Variants in IDH2 observed in about 807,000 individuals in gnomAD.
IDH2 encodes isocitrate dehydrogenase [NADP], mitochondrial.
A neutral mutation model predicts 50.5 loss-of-function variants in IDH2; 18 were observed. The ratio of observed to expected loss-of-function variants is 0.36; its 90% CI spans 0.25 to 0.53. IDH2 has a LOEUF of 0.53. IDH2 is among the 20% of genes least tolerant of loss of function. IDH2 has a pLI of 0.92. For synonymous variants in IDH2, 280 were observed against 239.8 expected (o/e 1.17, Z -1.55); for missense variants, 518 against 610.7 (o/e 0.85, Z 1.60).
chr15:90,088,041 G>T (rs1334906151), intron 5 of IDH2, among the ~76,000 whole-genome samples: 1 of 152,042 alleles, frequency 6.6e-6, no homozygotes, highest in Non-Finnish European at 1.5e-5. Flanking sequence ...CTTCTGATAG[G>T]GTAGCCAAGC....
In IDH2 at chr15:90,102,467, C is replaced by A. The variant is rs1596083465; in HGVS notation, c.-77G>T. 1.1e-5 allele frequency: 9 copies of A among 827,820 alleles called. No individual in the cohort carries two copies. The East Asian group carries it at 2.3e-4, about 21-fold the overall frequency. The allele number at this position is 827,820 out of a possible 1,614,324, so 51.3% of individuals were successfully genotyped here. On this transcript the variant is annotated 5_prime_UTR_variant, in exon 1 of 11. Transcript: ENST00000330062. The stretch of plus-strand genomic sequence containing the variant: ...CTCCTCCCGGCTGCCTGGCCGCGGG[C>A]TAACGCTGGGCCTGGCGGGCGCTGG...
intron 1 of IDH2, among the ~76,000 whole-genome samples, chr15:90,094,010 C>G (rs1006973767): frequency 6.6e-6 from 1 of 152,126 alleles, no homozygotes; most frequent in African/African-American, 2.4e-5. Context: ...AGCAGAGTCA[C>G]GAGGACTCTG....
Position 90,084,458 on chromosome 15 carries a change from A to T in IDH2, c.1272-105T>A. On this transcript the variant is annotated intron_variant, in intron 10 of 10. Coordinates refer to ENST00000330062, the MANE Select transcript of IDH2 (RefSeq NM_002168.4). This position sits in a 1 kb window ranked among gnomAD's most constrained non-coding sequence, Gnocchi z 5.0. ...CCTGAGCTTGGGCATCAGAACAGCC[A>T]TCTCCTGCCACCCAGACTACAGGCC... The T allele has an allele frequency of 9.9e-7, 1 of 1,012,540 alleles. No individual in the cohort carries two copies. Among genetic ancestry groups the T allele is most frequent in the Non-Finnish European group, 1.5e-6 (1 of 662,762 alleles). The allele number at this position is 1,012,540 out of a possible 1,614,324, so 62.7% of individuals were successfully genotyped here.
chr15:90,097,653 G>T (rs1038772455), intron 1 of IDH2, among the ~76,000 whole-genome samples: 1 of 146,274 alleles, frequency 6.8e-6, no homozygotes, highest in Non-Finnish European at 1.5e-5. Flanking sequence ...AAAGGTGGCT[G>T]CCAGGGACTG....
chr15:90,098,866 C>G lies in IDH2; in HGVS notation c.115+3410G>C, dbSNP rs548939322. ...ATTTTGGAACAAACTCTAGTAGACTCCTTGGTGTCATCCTTCATTCCTTCC... is the reference window on the plus strand; with the variant it reads ...ATTTTGGAACAAACTCTAGTAGACTGCTTGGTGTCATCCTTCATTCCTTCC... On this transcript the variant is annotated intron_variant, in intron 1 of 10. Transcript: ENST00000330062. The surrounding 1 kb of genome is among the most constrained non-coding windows in gnomAD (Gnocchi z 5.1). 2.0e-5 allele frequency among the ~76,000 whole-genome samples: 3 copies of G among 152,168 alleles called. No individual in the cohort carries two copies. Among genetic ancestry groups the G allele is most frequent in the Non-Finnish European group, 4.4e-5 (3 of 68,022 alleles).
intron 3 of IDH2, among the ~76,000 whole-genome samples, chr15:90,090,238 C>T (rs1461251444): frequency 6.6e-6 from 1 of 152,194 alleles, no homozygotes; most frequent in East Asian, 1.9e-4. Flanking sequence ...GAGGCCAGCC[C>T]CTTACCCACG....
intron 3 of IDH2, among the ~76,000 whole-genome samples, chr15:90,089,083 T>C (rs1900960811): frequency 1.3e-5 from 2 of 151,628 alleles, no homozygotes; most frequent in African/African-American, 4.8e-5. Flanking sequence ...CCAAGCTAAT[T>C]TTGTATTTTT....
intron 1 of IDH2, among the ~76,000 whole-genome samples, chr15:90,094,245 A>G (rs1901123993): frequency 6.6e-6 from 1 of 152,196 alleles, no homozygotes; most frequent in Non-Finnish European, 1.5e-5. Flanking sequence ...AGTGAATTTC[A>G]AAGAAAACTC....
At chr15:90,086,462 C>T (rs975838852) in intron 7 of IDH2, among the ~76,000 whole-genome samples, 4 of 152,036 alleles carry the variant, frequency 2.6e-5, no homozygotes, top group African/African-American at 4.8e-5. Flanking sequence ...GGCGCAATCT[C>T]GGCTCACTGC....
rs1421459839 is a variant in IDH2 at position 90,087,283 on chromosome 15, T to A, written c.816-20A>T. On this transcript the variant is annotated intron_variant, in intron 6 of 10. Coordinates refer to ENST00000330062, the MANE Select transcript of IDH2 (RefSeq NM_002168.4). ...TAGTGCCTGGGAGTAAAAAGGTCTG[T>A]TATGGGGAGAGGGCAGAAGGCTGAC... The A allele has an allele frequency of 6.2e-6, 10 of 1,613,828 alleles. No homozygotes were observed. The highest frequency in any genetic ancestry group is 8.5e-6 in the Non-Finnish European group (10 of 1,179,976).
At chr15:90,095,080 T>TTA (rs1555461985) in intron 1 of IDH2, among the ~76,000 whole-genome samples, 2,052 of 151,400 alleles carry the variant, frequency 0.014, 39 homozygotes, top group African/African-American at 0.046. Flanking sequence ...TTTTTTTTTT[T>TTA]AATCTAAAAA....
Position 90,085,016 on chromosome 15 carries a change from T to G in IDH2, c.1163A>C (p.Asn388Thr), listed in dbSNP as rs768606943. The change falls in exon 9 of 11, where the codon AAC (asparagine) becomes ACC (threonine). Residue 388 changes from asparagine to threonine, a missense_variant. By Grantham distance (65) the Asn-to-Thr change is moderately conservative (BLOSUM62 0). Around this residue, in one of 5 missense-constraint regions of IDH2, gnomAD observed 135 missense variants for 167.6 expected, o/e 0.81. Transcript: ENST00000330062. This position sits in a 1 kb window ranked among gnomAD's most constrained non-coding sequence, Gnocchi z 5.5. ...GLEHRGKLDG[N>T]QDLIRFAQML... ...CCATGCTCACCTGATGAGGTCTTGG[T>G]TCCCATCCAGCTTCCCCCGGTGCTC... 6.2e-6 allele frequency: 10 copies of G among 1,613,828 alleles called. No homozygotes were observed. Among genetic ancestry groups the G allele is most frequent in the Non-Finnish European group, 8.5e-6 (10 of 1,179,962 alleles).
rs374137419 is a variant in IDH2 at position 90,088,084 on chromosome 15, A to ATTTCT, written c.678+270_678+274dup. ...AGTACGCCTGGAGCTGCTCGTGGCC[A>ATTTCT]TTTCTTTTCTTTTCTTTTCTTTTCT... On this transcript the variant is annotated intron_variant, in intron 5 of 10. Transcript: ENST00000330062. Among the ~76,000 whole-genome samples, 1,140 of 151,876 alleles carry ATTTCT rather than the reference A, an allele frequency of 7.5e-3. 9 individuals are homozygous for ATTTCT. Among genetic ancestry groups the ATTTCT allele is most frequent in the Non-Finnish European group, 7.0e-3 (476 of 67,946 alleles).
intron 1 of IDH2, among the ~76,000 whole-genome samples, chr15:90,092,743 AT>A (rs1419432233): frequency 1.3e-5 from 2 of 151,886 alleles, no homozygotes; most frequent in African/African-American, 4.8e-5. Context: ...CACCTGGCTA[AT>A]TTTTTGTATT....
intron 1 of IDH2, among the ~76,000 whole-genome samples, chr15:90,096,868 C>T (rs955647478): frequency 2.0e-5 from 3 of 151,732 alleles, no homozygotes; most frequent in Non-Finnish European, 2.9e-5. Context: ...GAGCTGAGAT[C>T]GCGCCACTGC....
intron 1 of IDH2, among the ~76,000 whole-genome samples, chr15:90,097,045 A>G (rs1322705509): frequency 6.6e-6 from 1 of 152,224 alleles, no homozygotes; most frequent in Non-Finnish European, 1.5e-5. Flanking sequence ...TCATAGCAGC[A>G]ATGTTCACAA....
At chr15:90,086,926 G>GT (rs1209296924) in intron 7 of IDH2, among the ~76,000 whole-genome samples, 186 bp downstream of exon 7, 1 of 152,072 alleles carries the variant, frequency 6.6e-6, no homozygotes, top group Non-Finnish European at 1.5e-5. Flanking sequence ...TCATACACCA[G>GT]TCCAAACCTA....
intron 1 of IDH2, among the ~76,000 whole-genome samples, chr15:90,095,995 G>A (rs550366544): frequency 3.3e-5 from 5 of 152,246 alleles, no homozygotes; most frequent in African/African-American, 1.2e-4. Context: ...ATAACTCAAC[G>A]TTAAAATGGA....
intron 1 of IDH2, among the ~76,000 whole-genome samples, chr15:90,093,386 G>A (rs1819824692): frequency 6.6e-6 from 1 of 152,132 alleles, no homozygotes; most frequent in South Asian, 2.1e-4. Context: ...ACGCTGTGTA[G>A]CTCATAATAA....
Sources: allele counts gnomAD v4.1 joint callset (sites outside exome capture counted in the v4.1 genomes callset), GRCh38; gene constraint gnomAD v4.1.1; regional missense constraint gnomAD v4.1.1; non-coding constraint Gnocchi (gnomAD v3.1); transcripts MANE v1.5; gene names NCBI Gene and HGNC (gene_info 2026-07-23, HGNC 2026-07-21).